The following NAV1 variants were observed in gnomAD, a reference collection of about 807,000 sequenced individuals.
The protein encoded by NAV1 is pore membrane and/or filament interacting like protein 3.
A neutral mutation model predicts 175.2 loss-of-function variants in NAV1; 18 were observed. The ratio of observed to expected loss-of-function variants is 0.10; its 90% CI spans 0.07 to 0.15. The LOEUF (loss-of-function observed/expected upper bound fraction) is 0.15, where lower values mean the gene tolerates loss of function less well. Ranked by LOEUF, NAV1 falls within the 10% of genes least tolerant of loss-of-function variation. The pLI, the probability that NAV1 is intolerant of heterozygous loss-of-function variation, is 1.00. For missense variants in NAV1, 1,731 were observed against 2,436.6 expected, an observed-to-expected ratio of 0.71 and a Z score of 6.10; for synonymous variants, 897 against 978.7, an observed-to-expected ratio of 0.92 and a Z score of 1.56.
At chr1:201,621,034 C>T (rs1236511046), upstream of NAV1, among the ~76,000 whole-genome samples, 1 of 152,140 alleles carries the variant, frequency 6.6e-6, no homozygotes, top group African/African-American at 2.4e-5. Flanking sequence ...GATCCTCCTG[C>T]CTCAGCCTCC....
At chr1:201,635,989 C>A (rs957139702) in intron 2 of NAV1, among the ~76,000 whole-genome samples, 1 of 152,222 alleles carries the variant, frequency 6.6e-6, no homozygotes, top group Non-Finnish European at 1.5e-5. Flanking sequence ...CTATGGGAGG[C>A]GGAACTATTT....
intron 1 of NAV1, among the ~76,000 whole-genome samples, chr1:201,629,108 T>C (rs1050917927): frequency 6.6e-6 from 1 of 152,182 alleles, no homozygotes; most frequent in East Asian, 1.9e-4. Context: ...CTCTGCCCTA[T>C]AAGTGATAAC....
chr1:201,713,855 C>T (rs1450730709), intron 2 of NAV1, among the ~76,000 whole-genome samples: 2 of 152,188 alleles, frequency 1.3e-5, no homozygotes, highest in African/African-American at 2.4e-5. Flanking sequence ...TTCTTTAGCC[C>T]AGGGTGTGGC....
At chr1:201,601,828 A>T (rs1667521324) in intron 2 of NAV1, among the ~76,000 whole-genome samples, 2 of 152,184 alleles carry the variant, frequency 1.3e-5, no homozygotes. Context: ...CAATATTTAA[A>T]AGAGTTGAAC....
chr1:201,687,264 T>A (rs949562729), intron 1 of NAV1, among the ~76,000 whole-genome samples: 4 of 152,136 alleles, frequency 2.6e-5, no homozygotes, highest in African/African-American at 4.8e-5. Context: ...CAGGGGGAAG[T>A]GGCTGGAAGG....
intron 1 of NAV1, among the ~76,000 whole-genome samples, chr1:201,708,650 C>T (rs1671772138): frequency 1.3e-5 from 2 of 152,100 alleles, no homozygotes; most frequent in Non-Finnish European, 2.9e-5. Context: ...TTCTAATTTG[C>T]ACAAAGGTGC....
intron 2 of NAV1, among the ~76,000 whole-genome samples, chr1:201,715,345 A>G (rs1672095351): frequency 6.6e-6 from 1 of 152,042 alleles, no homozygotes; most frequent in South Asian, 2.1e-4. Context: ...TTTTTAGTAG[A>G]GATGGGGTTT....
chr1:201,722,992 T>C (rs1672452407), intron 3 of NAV1, among the ~76,000 whole-genome samples: 1 of 152,190 alleles, frequency 6.6e-6, no homozygotes, highest in African/African-American at 2.4e-5. Context: ...GTGCCTGTAA[T>C]ACCAGCTATT....
At position 201,694,886 on chromosome 1, in the gene NAV1, C is replaced by T. The variant is rs568883324; in HGVS notation, c.758-17931C>T. On this transcript the variant is annotated intron_variant, in intron 1 of 29. Transcript: ENST00000367296. This position sits in a 1 kb window ranked among gnomAD's most constrained non-coding sequence, Gnocchi z 4.2. The stretch of plus-strand genomic sequence containing the variant: ...AGCTGCCAAACGAACCAAGAAGCTG[C>T]CTCACAGGATTACTGAAAGGCTCAC... Among the ~76,000 whole-genome samples the T allele has an allele frequency of 4.4e-4, 67 of 152,312 alleles. 1 individual carries two copies. In the South Asian group the frequency reaches 0.013, roughly 29 times the overall value.
intron 1 of NAV1, among the ~76,000 whole-genome samples, chr1:201,651,669 T>C (rs1280400556): frequency 1.3e-5 from 2 of 152,098 alleles, no homozygotes; most frequent in Non-Finnish European, 2.9e-5. Context: ...CAGCTCTTCC[T>C]AGGAGACCTG....
At chr1:201,645,195 T>C (rs1210939553), upstream of NAV1, among the ~76,000 whole-genome samples, 1 of 151,914 alleles carries the variant, frequency 6.6e-6, no homozygotes, top group Non-Finnish European at 1.5e-5. Context: ...ATGTGGCACA[T>C]ATACACCATG....
intron 1 of NAV1, among the ~76,000 whole-genome samples, chr1:201,651,014 G>A (rs978838809): frequency 1.3e-5 from 2 of 152,082 alleles, no homozygotes; most frequent in African/African-American, 4.8e-5. Context: ...ATAAATTTTT[G>A]GCAGGCACCA....
intron 2 of NAV1, among the ~76,000 whole-genome samples, chr1:201,594,220 C>G (rs1449083660): frequency 6.6e-6 from 1 of 152,162 alleles, no homozygotes; most frequent in African/African-American, 2.4e-5. Flanking sequence ...TGGGCCCAAG[C>G]AACCCCTATA....
rs1676280922 is a variant in NAV1 at position 201,780,877 on chromosome 1, T to A, written c.1366-135T>A. On this transcript the variant is annotated intron_variant, in intron 4 of 29. Coordinates refer to ENST00000367296, the Ensembl canonical transcript of NAV1. ...TCTGCTGTTGGAAACCCTAGGGGTATAGGTAGAAACCCTCAGTTTGACTTA... is the reference window on the plus strand; with the variant it reads ...TCTGCTGTTGGAAACCCTAGGGGTAAAGGTAGAAACCCTCAGTTTGACTTA... The A allele has an allele frequency of 6.7e-6, 7 of 1,045,512 alleles. No homozygotes were observed. In the East Asian group the frequency reaches 1.8e-4, roughly 27 times the overall value. The allele number at this position is 1,045,512 out of a possible 1,614,324, so 64.8% of individuals were successfully genotyped here.
At chr1:201,779,846 G>A (rs970265701) in intron 3 of NAV1, among the ~76,000 whole-genome samples, 1 of 152,064 alleles carries the variant, frequency 6.6e-6, no homozygotes, top group Non-Finnish European at 1.5e-5. Flanking sequence ...CAGCACCTTA[G>A]ATTTGGTTCA....
At chr1:201,780,620 T>G (rs1256707375) in intron 4 of NAV1, 61 bp downstream of exon 8, 1 of 1,606,840 alleles carries the variant, frequency 6.2e-7, no homozygotes, top group African/African-American at 1.3e-5. Flanking sequence ...GCAAATGGCA[T>G]TATCTGTGTA....
At chr1:201,826,849 C>G (rs1679700215) in exon 30 of NAV1, 1 of 152,196 alleles carries the variant, frequency 6.6e-6, no homozygotes, top group African/African-American at 2.4e-5. Flanking sequence ...AGAGGCCTTC[C>G]TTCATCACCA....
intron 15 of NAV1, among the ~76,000 whole-genome samples, chr1:201,802,772 C>A (rs1232243387): frequency 7.9e-5 from 12 of 151,480 alleles, no homozygotes; most frequent in Non-Finnish European, 1.5e-4. Context: ...GAGCAAGACT[C>A]CATCTCAAAA....
At chr1:201,595,901 C>T (rs938916807) in intron 2 of NAV1, among the ~76,000 whole-genome samples, 2 of 152,256 alleles carry the variant, frequency 1.3e-5, no homozygotes, top group Non-Finnish European at 2.9e-5. Context: ...TGCTCATTAA[C>T]TAACTGTGGT....
Sources: allele counts gnomAD v4.1 joint callset (sites outside exome capture counted in the v4.1 genomes callset), GRCh38; gene constraint gnomAD v4.1.1; non-coding constraint Gnocchi (gnomAD v3.1); transcripts MANE v1.5; gene names NCBI Gene and HGNC (gene_info 2026-07-23, HGNC 2026-07-21).